TDRD1: variants seen among roughly 807,000 people sequenced by gnomAD.
TDRD1 encodes the protein tudor domain-containing protein 1.
Under a neutral mutation model 140.6 loss-of-function variants are expected in TDRD1, and 37 were observed. That is an observed-to-expected ratio of 0.26 (90% CI 0.20 to 0.35). The LOEUF is 0.35. TDRD1 is among the 10% of genes least tolerant of loss of function. The probability of loss-of-function intolerance (pLI) is 1.00; values close to 1 mark genes in which losing one functional copy is unlikely to be tolerated. For synonymous variants in TDRD1, 506 were observed against 475.7 expected, an observed-to-expected ratio of 1.06 and a Z score of -0.83; for missense variants, 1,243 against 1,393.0, an observed-to-expected ratio of 0.89 and a Z score of 1.71.
At chr10:114,179,131 G>A (rs750797660), upstream of TDRD1, 1 of 152,268 alleles carries the variant, frequency 6.6e-6, no homozygotes, top group Non-Finnish European at 1.5e-5. Context: ...CATCTTTCTA[G>A]AAGAAGCTAG....
At chr10:114,175,086 A>G (rs899225401), upstream of TDRD1, among the ~76,000 whole-genome samples, 6 of 152,238 alleles carry the variant, frequency 3.9e-5, no homozygotes, top group Middle Eastern at 3.2e-3. Context: ...CAAAACACAC[A>G]CACGGAGGTG....
exon 15 of TDRD1, chr10:114,213,357 T>A: frequency 6.2e-7 from 1 of 1,612,056 alleles, no homozygotes; most frequent in Non-Finnish European, 8.5e-7. Flanking sequence ...AGTAAAGCCA[T>A]CATTAGGAAT....
At chr10:114,226,722 T>A (rs182998421) in intron 22 of TDRD1, among the ~76,000 whole-genome samples, 33 of 152,322 alleles carry the variant, frequency 2.2e-4, no homozygotes, top group Middle Eastern at 3.4e-3. Context: ...GCTCCTGATG[T>A]CCTTATGCAG....
chr10:114,220,709 G>A (rs1221762161), exon 19 of TDRD1: 2 of 1,613,832 alleles, frequency 1.2e-6, no homozygotes, highest in Admixed American at 1.7e-5. Flanking sequence ...CTCTCCACTT[G>A]TTATCCCAGA....
intron 3 of TDRD1, among the ~76,000 whole-genome samples, chr10:114,196,869 A>T (rs2034398392): frequency 1.5e-5 from 1 of 67,698 alleles, no homozygotes. Context: ...TTTTTGAGAC[A>T]GAATTTGGCT....
chr10:114,195,877 T>G (rs921861718), intron 3 of TDRD1, among the ~76,000 whole-genome samples: 1 of 152,186 alleles, frequency 6.6e-6, no homozygotes, highest in Non-Finnish European at 1.5e-5. Flanking sequence ...TTGATTTTTA[T>G]CCAGTGTTTT....
Position 114,225,015 on chromosome 10 carries a change from A to C in TDRD1, c.3008-1034A>C, listed in dbSNP as rs555325539. 2.2e-4 allele frequency among the ~76,000 whole-genome samples: 34 copies of C among 152,318 alleles called. 1 individual carries two copies. In the South Asian group the frequency reaches 7.0e-3, roughly 32 times the overall value. On this transcript the variant is annotated intron_variant, in intron 21 of 25. Coordinates refer to ENST00000251864, the Ensembl canonical transcript of TDRD1. ...CTCTGCCATCTCACTGCAGACTCCC[A>C]GTGTCGCCATCTTGATGGGCTGTCA...
chr10:114,184,216 A>G (rs1019250763), intron 1 of TDRD1, among the ~76,000 whole-genome samples: 2 of 148,134 alleles, frequency 1.4e-5, no homozygotes, highest in African/African-American at 5.0e-5. Context: ...TTTTCCCCTT[A>G]TGTTTATGAA....
upstream of TDRD1, chr10:114,179,247 G>C (rs574501764): frequency 6.6e-6 from 1 of 152,350 alleles, no homozygotes; most frequent in African/African-American, 2.4e-5. Context: ...AGTTGCACGT[G>C]GACGCGGAGT....
intron 3 of TDRD1, among the ~76,000 whole-genome samples, chr10:114,193,273 G>GTGACCT (rs2034110653): frequency 7.0e-6 from 1 of 142,750 alleles, no homozygotes; most frequent in Non-Finnish European, 1.5e-5. Flanking sequence ...TCTTCTATCT[G>GTGACCT]TGACCTTGCT....
chr10:114,201,820 A>G (rs992801969), intron 5 of TDRD1, among the ~76,000 whole-genome samples: 3 of 152,226 alleles, frequency 2.0e-5, no homozygotes, highest in Admixed American at 6.5e-5. Context: ...GAACTCTTAC[A>G]TGCCTCTTGA....
At chr10:114,222,618 T>C in exon 21 of TDRD1, 1 of 1,612,030 alleles carries the variant, frequency 6.2e-7, no homozygotes, top group Non-Finnish European at 8.5e-7. Context: ...TGTTGACAGC[T>C]GAATTATTAG....
chr10:114,203,686 C>G lies in TDRD1; in HGVS notation c.981+119C>G, dbSNP rs567661211. The G allele has an allele frequency of 4.1e-5, 36 of 888,350 alleles. 1 individual carries two copies. The South Asian group carries it at 5.1e-4, about 13-fold the overall frequency. The allele number at this position is 888,350 out of a possible 1,614,324, so 55.0% of individuals were successfully genotyped here. A position where few individuals can be genotyped will look rare whatever the true frequency, so the allele number is the denominator to read the frequency against. On this transcript the variant is annotated intron_variant, in intron 8 of 25. Transcript: ENST00000251864. ...TTAAAGCCAGCCTCTGATCACGCTT[C>G]TATTCCTCTTCAGTATCCCGTGCTC... is the stretch of plus-strand genomic sequence containing the variant.
At chr10:114,231,604 C>A in exon 26 of TDRD1, 2 of 1,126,612 alleles carry the variant, frequency 1.8e-6, no homozygotes, top group Non-Finnish European at 1.3e-6. Flanking sequence ...TGTCCACTTT[C>A]TCTGTAATGA....
chr10:114,188,150 C>A, exon 2 of TDRD1: 1 of 1,570,592 alleles, frequency 6.4e-7, no homozygotes, highest in Non-Finnish European at 8.6e-7. Flanking sequence ...GAAAAAATTG[C>A]CAGCAGGTGA....
chr10:114,206,415 C>T, intron 11 of TDRD1, 85 bp downstream of exon 11: 1 of 995,794 alleles, frequency 1.0e-6, no homozygotes, highest in Non-Finnish European at 1.5e-6. Flanking sequence ...AACTTTAGCA[C>T]TGTTAAGACT....
intron 3 of TDRD1, among the ~76,000 whole-genome samples, chr10:114,198,290 A>G (rs768050430): frequency 6.6e-5 from 10 of 152,156 alleles, no homozygotes; most frequent in South Asian, 2.1e-4. Context: ...ACTCTCCACT[A>G]TGCCTTTTCT....
chr10:114,222,615 A>G (rs752737356), exon 21 of TDRD1: 16 of 1,611,572 alleles, frequency 9.9e-6, no homozygotes, highest in Middle Eastern at 1.7e-4. Flanking sequence ...GCATGTTGAC[A>G]GCTGAATTAT....
chr10:114,197,287 G>T (rs746457572), intron 3 of TDRD1, among the ~76,000 whole-genome samples: 2 of 151,954 alleles, frequency 1.3e-5, no homozygotes, highest in Non-Finnish European at 2.9e-5. Context: ...GTTCAGATCA[G>T]GCGTTTCTGT....
Sources: allele counts gnomAD v4.1 joint callset (sites outside exome capture counted in the v4.1 genomes callset), GRCh38; gene constraint gnomAD v4.1.1; transcripts MANE v1.5; gene names NCBI Gene and HGNC (gene_info 2026-07-23, HGNC 2026-07-21).